The following SPTLC2 variants were observed in gnomAD, a reference collection of about 807,000 sequenced individuals.
SPTLC2 encodes the protein serine palmitoyltransferase 2.
SPTLC2 carries 21 observed loss-of-function variants against 62.0 expected under a neutral mutation model. The observed-to-expected ratio is 0.34, with a 90% CI of 0.24 to 0.49. The LOEUF is 0.49. Ranked by LOEUF, SPTLC2 falls within the 20% of genes least tolerant of loss-of-function variation. The pLI is 0.99. For synonymous variants in SPTLC2, 261 were observed against 261.8 expected, an observed-to-expected ratio of 1.00 and a Z score of 0.03; for missense variants, 511 against 713.0, an observed-to-expected ratio of 0.72 and a Z score of 3.23.
At chr14:77,612,038 C>T (rs531509516) in intron 1 of SPTLC2, among the ~76,000 whole-genome samples, 7 of 152,212 alleles carry the variant, frequency 4.6e-5, no homozygotes, top group African/African-American at 1.2e-4. Flanking sequence ...ACTTTTTTAT[C>T]GGTCACAAAT....
At chr14:77,567,154 T>C (rs1416068200) in intron 5 of SPTLC2, among the ~76,000 whole-genome samples, 6 of 151,952 alleles carry the variant, frequency 3.9e-5, no homozygotes, top group Non-Finnish European at 2.9e-5. Context: ...GTATTTTTAG[T>C]AGAGACAAGG....
At chr14:77,541,509 T>C (rs2079500310) in intron 9 of SPTLC2, among the ~76,000 whole-genome samples, 1 of 152,196 alleles carries the variant, frequency 6.6e-6, no homozygotes, top group African/African-American at 2.4e-5. Context: ...ATGATCTGGA[T>C]ATACACCCAT....
At chr14:77,572,504 A>G (rs1281463780) in intron 4 of SPTLC2, among the ~76,000 whole-genome samples, 1 of 152,222 alleles carries the variant, frequency 6.6e-6, no homozygotes, top group Non-Finnish European at 1.5e-5. Context: ...AATCAAATTA[A>G]AATGAGGTCA....
At chr14:77,613,877 G>A (rs933157138) in intron 1 of SPTLC2, among the ~76,000 whole-genome samples, 4 of 152,220 alleles carry the variant, frequency 2.6e-5, no homozygotes. Context: ...AAAATGTTAA[G>A]ATATTGTATT....
intron 1 of SPTLC2, among the ~76,000 whole-genome samples, chr14:77,603,453 A>G (rs1442446546): frequency 2.0e-5 from 3 of 152,222 alleles, no homozygotes; most frequent in African/African-American, 4.8e-5. Context: ...TCCCTACTGC[A>G]TATCACACAT....
intron 1 of SPTLC2, among the ~76,000 whole-genome samples, chr14:77,609,408 T>C (rs1365669929): frequency 6.6e-6 from 1 of 152,162 alleles, no homozygotes; most frequent in Non-Finnish European, 1.5e-5. Context: ...CATCAGTTGA[T>C]AGACATTTGG....
chr14:77,542,823 T>C (rs756424878), intron 9 of SPTLC2, among the ~76,000 whole-genome samples: 4 of 152,184 alleles, frequency 2.6e-5, no homozygotes, highest in Non-Finnish European at 5.9e-5. Flanking sequence ...TTCATTTCAA[T>C]GCCAAAAACT....
chr14:77,508,787 A>G lies in SPTLC2; in HGVS notation c.*3497T>C, dbSNP rs1175503947. On this transcript the variant is annotated 3_prime_UTR_variant, in exon 12 of 12. Coordinates refer to ENST00000216484, the MANE Select transcript of SPTLC2 (RefSeq NM_004863.4). Reference sequence around the variant, plus strand: ...TTTTAAAAGCCAAAGGAGCTAGCTTAAGCCCCTAATGAAAAGCCTCCTCCT... The same window carrying G: ...TTTTAAAAGCCAAAGGAGCTAGCTTGAGCCCCTAATGAAAAGCCTCCTCCT... The G allele has an allele frequency of 6.6e-6, 1 of 152,178 alleles. No homozygotes were observed. The highest frequency in any genetic ancestry group is 1.5e-5 in the Non-Finnish European group (1 of 68,042). 9.4% of individuals were successfully genotyped at this position (152,178 alleles called of 1,614,324 possible). A position where few individuals can be genotyped will look rare whatever the true frequency, so the allele number is the denominator to read the frequency against.
intron 5 of SPTLC2, among the ~76,000 whole-genome samples, chr14:77,563,572 C>T (rs1292110763): frequency 6.6e-6 from 1 of 152,052 alleles, no homozygotes; most frequent in Admixed American, 6.6e-5. Flanking sequence ...ATTACAGGAG[C>T]CCACCACCAG....
intron 1 of SPTLC2, among the ~76,000 whole-genome samples, chr14:77,608,781 T>C (rs1411377643): frequency 2.0e-5 from 3 of 151,754 alleles, no homozygotes; most frequent in African/African-American, 7.3e-5. Context: ...ACCCCAGGCG[T>C]GGTAGGTCAC....
At chr14:77,518,596 CA>C (rs11400711) in intron 10 of SPTLC2, among the ~76,000 whole-genome samples, 7 of 143,206 alleles carry the variant, frequency 4.9e-5, no homozygotes, top group Admixed American at 7.0e-5. Context: ...GGCTCTGTCT[CA>C]AAAAAAAAAA....
intron 9 of SPTLC2, chr14:77,547,473 A>G (rs2079534740): frequency 6.6e-6 from 1 of 152,174 alleles, no homozygotes; most frequent in Admixed American, 6.5e-5. Flanking sequence ...GTCTCTCTTT[A>G]TGACCCCCTC....
At chr14:77,567,833 C>CTTT (rs34867638) in intron 5 of SPTLC2, among the ~76,000 whole-genome samples, 80,700 of 145,644 alleles carry the variant, frequency 0.55, 23,291 homozygotes, top group East Asian at 0.9. Context: ...ACAAGCTTTA[C>CTTT]TTTTTTTTTT....
chr14:77,552,492 T>G (rs997636014), intron 8 of SPTLC2, among the ~76,000 whole-genome samples: 1 of 151,942 alleles, frequency 6.6e-6, no homozygotes, highest in Non-Finnish European at 1.5e-5. Context: ...CCCTCTAAAT[T>G]TGGAGAATGT....
At chr14:77,514,990 GCTGACCTAGTA>G (rs2079351629) in intron 11 of SPTLC2, among the ~76,000 whole-genome samples, 1 of 152,192 alleles carries the variant, frequency 6.6e-6, no homozygotes, top group Non-Finnish European at 1.5e-5. Flanking sequence ...TCTGCATCCA[GCTGACCTAGTA>G]CTGTTTGTTG....
chr14:77,518,758 C>G (rs1461034345), intron 10 of SPTLC2, among the ~76,000 whole-genome samples: 1 of 152,196 alleles, frequency 6.6e-6, no homozygotes, highest in Non-Finnish European at 1.5e-5. Context: ...TGCTGTAACA[C>G]GGCACATCTT....
chr14:77,610,814 G>C (rs1298841137), intron 1 of SPTLC2, among the ~76,000 whole-genome samples: 1 of 151,912 alleles, frequency 6.6e-6, no homozygotes, highest in South Asian at 2.1e-4. Flanking sequence ...AGGAGGCCAA[G>C]GCAGGAGGAT....
rs1468554759 is a variant in SPTLC2, at chr14:77,597,235, T to C, written c.278A>G (p.Tyr93Cys). Reference sequence around the variant, plus strand: ...ATGGTGACACTTTTCAATTCTCCAATACCTCAAGAAATCTCGAAGATATCC... The same window carrying C: ...ATGGTGACACTTTTCAATTCTCCAACACCTCAAGAAATCTCGAAGATATCC... ...LFGYLRDFLR[Y>C]WRIEKCHHAT... Residue 93 changes from tyrosine to cysteine, a missense_variant, in exon 2 of 12, where the codon TAT becomes TGT. By Grantham distance (194) the Tyr-to-Cys change is radical. Coordinates refer to ENST00000216484, the MANE Select transcript of SPTLC2 (RefSeq NM_004863.4). 1.2e-6 allele frequency: 2 copies of C among 1,614,080 alleles called. No individual in the cohort carries two copies. Among genetic ancestry groups the C allele is most frequent in the Admixed American group, 3.3e-5 (2 of 60,000 alleles).
At chr14:77,615,114 C>T (rs1319281913) in intron 1 of SPTLC2, among the ~76,000 whole-genome samples, 7 of 152,142 alleles carry the variant, frequency 4.6e-5, no homozygotes, top group Admixed American at 4.6e-4. Flanking sequence ...GTTTACATTG[C>T]TAGGAAAACG....
Sources: allele counts gnomAD v4.1 joint callset (sites outside exome capture counted in the v4.1 genomes callset), GRCh38; gene constraint gnomAD v4.1.1; transcripts MANE v1.5; gene names NCBI Gene and HGNC (gene_info 2026-07-23, HGNC 2026-07-21).